MYL3: variants seen among roughly 807,000 people sequenced by gnomAD.
MYL3 encodes myosin light chain 3, also known as CMLC1.
MYL3 carries 11 observed loss-of-function variants against 21.3 expected under a neutral mutation model. The ratio of observed to expected loss-of-function variants is 0.52; its 90% CI spans 0.32 to 0.85. MYL3 has a LOEUF of 0.85. Among genes scored for constraint, MYL3 ranks in the 40% least tolerant of loss-of-function variants. The pLI is 0.03. For synonymous variants in MYL3, 88 were observed against 91.6 expected (o/e 0.96, Z 0.22); for missense variants, 206 against 253.3 (o/e 0.81, Z 1.27).
At chr3:46,863,966 G>T (rs1395593606), upstream of MYL3, among the ~76,000 whole-genome samples, 1 of 151,996 alleles carries the variant, frequency 6.6e-6, no homozygotes, top group African/African-American at 2.4e-5. Flanking sequence ...CTGTGTCTGT[G>T]TCGGGGTGTC....
chr3:46,864,060 T>C (rs1702023427), upstream of MYL3, among the ~76,000 whole-genome samples: 3 of 151,608 alleles, frequency 2.0e-5, no homozygotes, highest in Admixed American at 2.0e-4. The surrounding 1 kb of genome is among the most constrained non-coding windows in gnomAD (Gnocchi z 4.7). Context: ...GGTGCCTCCG[T>C]GGTGGGGGGC....
In MYL3 at chr3:46,861,224, C is replaced by G. The variant is rs549111363; in HGVS notation, c.130-237G>C. On this transcript the variant is annotated intron_variant, in intron 1 of 6. Coordinates refer to ENST00000292327, the MANE Select transcript of MYL3 (RefSeq NM_000258.3). The surrounding 1 kb of genome is among the most constrained non-coding windows in gnomAD (Gnocchi z 4.2). ...CTGTGTGCACCGAGGCCCTGATGCT[C>G]GGTGGACCCTGGCAGGGGTAGCAGT... 6.6e-6 allele frequency among the ~76,000 whole-genome samples: 1 copy of G among 152,298 alleles called. No homozygotes were observed. The highest frequency in any genetic ancestry group is 2.4e-5 in the African/African-American group (1 of 41,584).
In MYL3 at chr3:46,863,297, G is replaced by A. The variant is rs759524973; in HGVS notation, c.94C>T (p.Pro32Ser). ...GAAGCATCAAACTCGACCTCCTTAGGGCGCTCAGGCTCAGGGGGAGGTGCG... is the reference window on the plus strand; with the variant it reads ...GAAGCATCAAACTCGACCTCCTTAGAGCGCTCAGGCTCAGGGGGAGGTGCG... ...APAPPPEPER[P>S]KEVEFDASKI... is the part of the protein sequence containing the mutation. Residue 32 changes from proline (P) to serine (S), a missense_variant, in exon 1 of 7, where the codon CCT (proline) becomes TCT (serine). Physicochemically the swap from Pro to Ser is moderately conservative, Grantham distance 74. Transcript: ENST00000292327. The A allele has an allele frequency of 1.9e-6, 3 of 1,614,114 alleles. No homozygotes were observed. Among genetic ancestry groups the A allele is most frequent in the African/African-American group, 1.3e-5 (1 of 75,042 alleles).
chr3:46,882,072 A>G lies in MYL3; in HGVS notation c.-218+2T>C, dbSNP rs1484366551. The stretch of plus-strand genomic sequence containing the variant: ...CCCCCGCCCCGTCTCCCCAGCACTC[A>G]CATCCCGCCGCCGTAAGACTCCGGG... On this transcript the variant is annotated splice_donor_variant, in intron 1 of 3. Coordinates refer to the MYL3 transcript ENST00000431168. LOFTEE classifies it low-confidence loss of function (5UTR_SPLICE). This position sits in a 1 kb window ranked among gnomAD's most constrained non-coding sequence, Gnocchi z 4.3. The G allele has an allele frequency of 1.3e-5, 2 of 151,962 alleles. No individual in the cohort carries two copies. Among genetic ancestry groups the G allele is most frequent in the Admixed American group, 1.3e-4 (2 of 15,276 alleles). The allele number at this position is 151,962 out of a possible 1,614,324, so 9.4% of individuals were successfully genotyped here. A position where few individuals can be genotyped will look rare whatever the true frequency, so the allele number is the denominator to read the frequency against.
intron 1 of MYL3, among the ~76,000 whole-genome samples, chr3:46,873,403 A>T (rs2030013090): frequency 6.6e-6 from 1 of 152,222 alleles, no homozygotes; most frequent in Non-Finnish European, 1.5e-5. Context: ...GGCAGGGGCC[A>T]CGGAAGGCAG....
chr3:46,865,319 G>A (rs984286826), upstream of MYL3, among the ~76,000 whole-genome samples: 1 of 151,302 alleles, frequency 6.6e-6, no homozygotes, highest in African/African-American at 2.4e-5. The surrounding 1 kb of genome is among the most constrained non-coding windows in gnomAD (Gnocchi z 4.3). Context: ...TTTGGCAACA[G>A]TATTGAGAAA....
At chr3:46,867,737 ACGGC>A (rs548066914), upstream of MYL3, among the ~76,000 whole-genome samples, 57 of 152,330 alleles carry the variant, frequency 3.7e-4, no homozygotes, top group South Asian at 0.011. Flanking sequence ...AGTCGAGAAC[ACGGC>A]CTGGGCCAGA....
chr3:46,863,625 T>G, upstream of MYL3: 1 of 517,146 alleles, frequency 1.9e-6, no homozygotes, highest in Non-Finnish European at 3.5e-6. Flanking sequence ...GGGATCTCCA[T>G]TCCTCCCAAT....
chr3:46,864,192 G>T (rs1019895155), upstream of MYL3, among the ~76,000 whole-genome samples: 1 of 152,074 alleles, frequency 6.6e-6, no homozygotes, highest in African/African-American at 2.4e-5. This position sits in a 1 kb window ranked among gnomAD's most constrained non-coding sequence, Gnocchi z 4.7. Flanking sequence ...GTCTATGTGA[G>T]TGTGTCTGCG....
intron 1 of MYL3, among the ~76,000 whole-genome samples, chr3:46,871,439 G>A (rs73067016): frequency 3.3e-5 from 5 of 152,214 alleles, no homozygotes; most frequent in Admixed American, 6.5e-5. Context: ...TGGCACATCC[G>A]GGCCAGATAA....
chr3:46,863,345 C>T lies in MYL3; in HGVS notation c.46G>A (p.Ala16Thr). The T allele has an allele frequency of 1.2e-6, 2 of 1,613,908 alleles. No individual in the cohort carries two copies. The highest frequency in any genetic ancestry group is 1.7e-6 in the Non-Finnish European group (2 of 1,180,006). ...PEPKKDDAKA[A>T]PKAAPAPAPP... ...GCGGGAGCTGGAGCTGCCTTGGGGG[C>T]TGCCTTGGCATCATCCTTCTTGGGC... Residue 16 changes from alanine (A) to threonine (T), a missense_variant, in exon 1 of 7, where the codon GCC (alanine) becomes ACC (threonine). By Grantham distance (58) the Ala-to-Thr change is moderately conservative. Transcript: ENST00000292327.
intron 4 of MYL3, 141 bp from the exon 5 acceptor site, chr3:46,858,602 A>AC: frequency 1.2e-6 from 1 of 823,638 alleles, no homozygotes; most frequent in Non-Finnish European, 2.0e-6. Context: ...CTTGGCCATC[A>AC]CCCCATTTCT....
rs1466872849 is a variant in MYL3, at chr3:46,874,559, C to T, written c.-218+7515G>A. Among the ~76,000 whole-genome samples, 2 of 152,204 alleles carry T rather than the reference C, an allele frequency of 1.3e-5. No individual in the cohort carries two copies. The highest frequency in any genetic ancestry group is 6.5e-5 in the Admixed American group (1 of 15,280). Reference sequence around the variant, plus strand: ...CCTCCCTTCAAACCGCAGGGCCCAGCCGGCCTCTGGAACGCGTGCCCGGGA... The same window carrying T: ...CCTCCCTTCAAACCGCAGGGCCCAGTCGGCCTCTGGAACGCGTGCCCGGGA... On this transcript the variant is annotated intron_variant, in intron 1 of 3. Coordinates refer to the MYL3 transcript ENST00000431168. The surrounding 1 kb of genome is among the most constrained non-coding windows in gnomAD (Gnocchi z 4.1).
chr3:46,872,795 T>A (rs1437699233), intron 1 of MYL3, among the ~76,000 whole-genome samples: 1 of 152,254 alleles, frequency 6.6e-6, no homozygotes, highest in South Asian at 2.1e-4. Flanking sequence ...TCTGAGAAGA[T>A]GCCGTCAGGC....
chr3:46,870,552 C>CA (rs1479877310), intron 1 of MYL3, among the ~76,000 whole-genome samples: 4 of 152,028 alleles, frequency 2.6e-5, no homozygotes, highest in Non-Finnish European at 4.4e-5. Flanking sequence ...AGTGGCCATA[C>CA]AAAAATCCTC....
chr3:46,869,435 G>A (rs1263283052), intron 1 of MYL3, among the ~76,000 whole-genome samples: 5 of 152,158 alleles, frequency 3.3e-5, no homozygotes, highest in South Asian at 2.1e-4. Flanking sequence ...TCTGCCCAGC[G>A]CTGCACCCTG....
rs958349208 is a variant in MYL3 at position 46,879,705 on chromosome 3, C to T, written c.-218+2369G>A. ...AAGGCTGCTGTGAGCCATGACCGTG[C>T]CACTGCACTCCAGCCTGGGTGACAC... On this transcript the variant is annotated intron_variant, in intron 1 of 3. Transcript: ENST00000431168. This position sits in a 1 kb window ranked among gnomAD's most constrained non-coding sequence, Gnocchi z 4.7. Among the ~76,000 whole-genome samples, 6 of 152,056 alleles carry T rather than the reference C, an allele frequency of 3.9e-5. No homozygotes were observed. Among genetic ancestry groups the T allele is most frequent in the Non-Finnish European group, 8.8e-5 (6 of 68,030 alleles).
rs768591304 is a variant in MYL3 at position 46,863,244 on chromosome 3, C to T, written c.129+18G>A. Reference sequence around the variant, plus strand: ...ACTTGCCCTGCTCCTATTGCCACCACCCAGCTTCCATACCCACCTTGATCT... The same window carrying T: ...ACTTGCCCTGCTCCTATTGCCACCATCCAGCTTCCATACCCACCTTGATCT... On this transcript the variant is annotated intron_variant, in intron 1 of 6. Transcript: ENST00000292327. 5 of 1,613,902 alleles carry T rather than the reference C, an allele frequency of 3.1e-6. No individual in the cohort carries two copies. Among genetic ancestry groups the T allele is most frequent in the Non-Finnish European group, 4.2e-6 (5 of 1,179,962 alleles).
chr3:46,858,081 G>A lies in MYL3; in HGVS notation c.*34C>T. 1 of 915,142 alleles carries A rather than the reference G, an allele frequency of 1.1e-6. No homozygotes were observed. The highest frequency in any genetic ancestry group is 2.0e-5 in the Admixed American group (1 of 50,724). 56.7% of individuals were successfully genotyped at this position (915,142 alleles called of 1,614,324 possible). On this transcript the variant is annotated 3_prime_UTR_variant, in exon 7 of 7. Coordinates refer to ENST00000292327, the MANE Select transcript of MYL3 (RefSeq NM_000258.3). ...CACACATGGGAGATGAGACGTCCCT[G>A]CACAGCCTTCCCTGGGCTTCCTGAG...
Sources: gnomAD v4.1 joint callset for allele counts (sites outside exome capture counted in the v4.1 genomes callset) on GRCh38, gnomAD v4.1.1 for gene constraint, Gnocchi (gnomAD v3.1) non-coding constraint, MANE v1.5 for transcripts, NCBI Gene and HGNC (gene_info 2026-07-23, HGNC 2026-07-21) for gene names.